The following KLK5 variants were observed in gnomAD, a reference collection of about 807,000 sequenced individuals.
KLK5 encodes the protein kallikrein-5.
KLK5 carries 18 observed loss-of-function variants against 24.0 expected under a neutral mutation model. The ratio of observed to expected loss-of-function variants is 0.75; its 90% confidence interval spans 0.52 to 1.11. The LOEUF (loss-of-function observed/expected upper bound fraction) is 1.11. Among genes scored for constraint, KLK5 ranks in the 50% most tolerant of loss-of-function variants. KLK5 has a pLI of 0.00. For missense variants in KLK5, 374 were observed against 379.2 expected, an observed-to-expected ratio of 0.99 and a Z score of 0.11; for synonymous variants, 140 against 154.0, an observed-to-expected ratio of 0.91 and a Z score of 0.67.
At chr19:50,950,174 G>C in intron 2 of KLK5, 58 bp from the exon 3 acceptor site, 1 of 1,557,684 alleles carries the variant, frequency 6.4e-7, no homozygotes, top group East Asian at 2.3e-5. Context: ...CTGGGGGTGG[G>C]TTTCAGACTC....
At chr19:50,946,766 A>G (rs1315749661) in intron 5 of KLK5, among the ~76,000 whole-genome samples, 1 of 151,978 alleles carries the variant, frequency 6.6e-6, no homozygotes, top group Non-Finnish European at 1.5e-5. Flanking sequence ...TCACCGTGTC[A>G]GCCAGGATGG....
chr19:50,950,331 G>A, intron 2 of KLK5: 1 of 592,614 alleles, frequency 1.7e-6, no homozygotes, highest in Non-Finnish European at 3.0e-6. Flanking sequence ...ACTCTAACTG[G>A]ACCTCACAGA....
At chr19:50,952,706 G>A (rs755721911) in intron 1 of KLK5, 38 bp from the exon 2 acceptor site, 17 of 1,462,638 alleles carry the variant, frequency 1.2e-5, no homozygotes, top group African/African-American at 4.2e-5. Context: ...AGGCCCAGGC[G>A]ATCCGGGGAG....
chr19:50,948,198 T>G (rs1319826321), intron 5 of KLK5, among the ~76,000 whole-genome samples: 2 of 152,058 alleles, frequency 1.3e-5, no homozygotes, highest in African/African-American at 2.4e-5. Context: ...CTCAGCTCAC[T>G]GCAACCTCCA....
At chr19:50,949,749 CCCGTCCCCACCAG>C in intron 3 of KLK5, 93 bp downstream of exon 3, 2 of 695,084 alleles carry the variant, frequency 2.9e-6, no homozygotes, top group Non-Finnish European at 4.2e-6. Flanking sequence ...ACCCCACTTC[CCCGTCCCCACCAG>C]CCCTCACCTC....
rs148233985 is a variant in KLK5 at position 50,947,438 on chromosome 19, G to A, written c.726+1202C>T. 1.3e-5 allele frequency among the ~76,000 whole-genome samples: 2 copies of A among 152,194 alleles called. No homozygotes were observed. The highest frequency in any genetic ancestry group is 3.9e-4 in the East Asian group (2 of 5,178). ...CTCTGCTCAAATGCCACCTCTCCAA[G>A]GAGGCTCCCCTGACCACCTTTTTGA... On this transcript the variant is annotated intron_variant, in intron 5 of 5. Coordinates refer to ENST00000336334, the MANE Select transcript of KLK5 (RefSeq NM_012427.5). This position sits in a 1 kb window ranked among gnomAD's most constrained non-coding sequence, Gnocchi z 8.7.
chr19:50,949,296 C>T (rs979701286), intron 3 of KLK5, among the ~76,000 whole-genome samples, 181 bp from the exon 4 acceptor site: 3 of 142,810 alleles, frequency 2.1e-5, no homozygotes, highest in Non-Finnish European at 4.5e-5. Context: ...CAATTCCAAA[C>T]CCATCCCATT....
chr19:50,949,801 C>CAGCCCTCACCTCCATAACAAA, intron 3 of KLK5, 54 bp downstream of exon 3: 1 of 758,370 alleles, frequency 1.3e-6, no homozygotes, highest in Non-Finnish European at 2.1e-6. Context: ...ACTTCCCCAC[C>CAGCCCTCACCTCCATAACAAA]CCCACCCCCA....
chr19:50,944,052 G>A (rs1306879279), intron 5 of KLK5, among the ~76,000 whole-genome samples: 3 of 151,016 alleles, frequency 2.0e-5, no homozygotes, highest in Non-Finnish European at 4.4e-5. Context: ...TGCCCAGGTT[G>A]GAGCGCAGTG....
At chr19:50,945,719 A>T (rs2090625914) in intron 5 of KLK5, among the ~76,000 whole-genome samples, 1 of 151,714 alleles carries the variant, frequency 6.6e-6, no homozygotes, top group Non-Finnish European at 1.5e-5. Context: ...TGAACCCAGG[A>T]GGCGCATGCT....
chr19:50,948,194 T>G (rs182756426), intron 5 of KLK5, among the ~76,000 whole-genome samples: 1 of 152,036 alleles, frequency 6.6e-6, no homozygotes, highest in African/African-American at 2.4e-5. Context: ...CGATCTCAGC[T>G]CACTGCAACC....
chr19:50,950,397 G>A (rs913373804), intron 2 of KLK5: 21 of 490,746 alleles, frequency 4.3e-5, no homozygotes, highest in Middle Eastern at 5.6e-4. Context: ...AGGATTCCTG[G>A]ACAAGCTCAG....
At chr19:50,949,399 T>A (rs1040407524) in intron 3 of KLK5, among the ~76,000 whole-genome samples, 1 of 150,050 alleles carries the variant, frequency 6.7e-6, no homozygotes, top group Non-Finnish European at 1.5e-5. Context: ...AAAACTCCAA[T>A]CCCCATCCTT....
chr19:50,947,904 C>CCA lies in KLK5; in HGVS notation c.726+734_726+735dup. ...TGCCATCCAATACAGTAACTGCTAG[C>CCA]CACATGTGGCTACTGAGCACCTGAA... On this transcript the variant is annotated intron_variant, in intron 5 of 5. Coordinates refer to ENST00000336334, the MANE Select transcript of KLK5 (RefSeq NM_012427.5). This position sits in a 1 kb window ranked among gnomAD's most constrained non-coding sequence, Gnocchi z 8.7. Among the ~76,000 whole-genome samples, 1 of 152,278 alleles carries CCA rather than the reference C, an allele frequency of 6.6e-6. No homozygotes were observed. The highest frequency in any genetic ancestry group is 1.9e-4 in the East Asian group (1 of 5,192).
rs2090670491 is a variant in KLK5 at position 50,949,892 on chromosome 19, G to C, written c.298C>G (p.Pro100Ala). ...TGGGCGGCCGTGAGCAGCCACTGTGGATGCACCAACACCGCCCCGCAGTAG... is the reference window on the plus strand; with the variant it reads ...TGGGCGGCCGTGAGCAGCCACTGTGCATGCACCAACACCGCCCCGCAGTAG... Reference protein sequence around the residue: ...QLYCGAVLVHPQWLLTAAHCR... With the variant: ...QLYCGAVLVHAQWLLTAAHCR... The change falls in exon 3 of 6, where the codon CCA (proline) becomes GCA (alanine). Residue 100 changes from proline to alanine, a missense_variant. Pro to Ala is a conservative substitution (Grantham distance 27, BLOSUM62 -1). Coordinates refer to ENST00000336334, the MANE Select transcript of KLK5 (RefSeq NM_012427.5). The C allele has an allele frequency of 1.3e-6, 2 of 1,594,920 alleles. No homozygotes were observed. Among genetic ancestry groups the C allele is most frequent in the East Asian group, 4.9e-5 (2 of 41,190 alleles).
chr19:50,947,471 C>G lies in KLK5; in HGVS notation c.726+1169G>C, dbSNP rs1043999127. Among the ~76,000 whole-genome samples, 1 of 152,152 alleles carries G rather than the reference C, an allele frequency of 6.6e-6. No homozygotes were observed. Among genetic ancestry groups the G allele is most frequent in the African/African-American group, 2.4e-5 (1 of 41,442 alleles). On this transcript the variant is annotated intron_variant, in intron 5 of 5. Coordinates refer to ENST00000336334, the MANE Select transcript of KLK5 (RefSeq NM_012427.5). The surrounding 1 kb of genome is among the most constrained non-coding windows in gnomAD (Gnocchi z 8.7). ...CCCTGACCACCTTTTTGAATATTGG[C>G]CCTTATTGTTTACTATCCTAAAACC...
At chr19:50,950,342 T>G in intron 2 of KLK5, 4 of 583,240 alleles carry the variant, frequency 6.9e-6, no homozygotes, top group Non-Finnish European at 1.2e-5. Context: ...ACCTCACAGA[T>G]TCCTGGAATT....
chr19:50,945,041 C>CTCCT (rs200875903), intron 5 of KLK5, among the ~76,000 whole-genome samples: 185 of 137,442 alleles, frequency 1.3e-3, no homozygotes, highest in South Asian at 3.9e-3. Flanking sequence ...TCCTTTCTTT[C>CTCCT]TCCTTCCTTC....
At chr19:50,948,548 G>C (rs1030574294) in intron 5 of KLK5, 92 bp downstream of exon 5, 2 of 1,307,242 alleles carry the variant, frequency 1.5e-6, no homozygotes, top group African/African-American at 2.9e-5. Context: ...TGACTGTCTT[G>C]GCAATTGCTG....
Sources: gnomAD v4.1 joint callset for allele counts (sites outside exome capture counted in the v4.1 genomes callset) on GRCh38, gnomAD v4.1.1 for gene constraint, Gnocchi (gnomAD v3.1) non-coding constraint, MANE v1.5 for transcripts, NCBI Gene and HGNC (gene_info 2026-07-23, HGNC 2026-07-21) for gene names.